Variants in GUCY1A2 observed in about 807,000 individuals in gnomAD.
The protein encoded by GUCY1A2 is guanylate cyclase 1 soluble subunit alpha 2.
A neutral mutation model predicts 63.5 loss-of-function variants in GUCY1A2; 27 were observed. That is an observed-to-expected ratio of 0.43 (90% CI 0.31 to 0.59). The LOEUF is 0.59. Among genes scored for constraint, GUCY1A2 ranks in the 20% least tolerant of loss-of-function variants. The probability of loss-of-function intolerance (pLI) is 0.11; values close to 1 mark genes in which losing one functional copy is unlikely to be tolerated. For missense variants in GUCY1A2, 768 were observed against 913.3 expected (o/e 0.84, Z 2.05); for synonymous variants, 364 against 343.5 (o/e 1.06, Z -0.66).
intron 4 of GUCY1A2, among the ~76,000 whole-genome samples, chr11:106,840,630 T>C (rs140307142): frequency 1.3e-5 from 2 of 152,082 alleles, no homozygotes; most frequent in African/African-American, 4.8e-5. Flanking sequence ...TAAAGAGGTG[T>C]AAAATTTATT....
chr11:106,922,369 G>A (rs1270312518), intron 4 of GUCY1A2, among the ~76,000 whole-genome samples: 2 of 151,508 alleles, frequency 1.3e-5, no homozygotes, highest in African/African-American at 4.8e-5. Context: ...CACTGTACTG[G>A]GTGCTAAAGA....
intron 5 of GUCY1A2, 71 bp from the exon 6 acceptor site, chr11:106,776,653 A>T: frequency 1.4e-6 from 2 of 1,400,482 alleles, no homozygotes; most frequent in Non-Finnish European, 2.0e-6. Flanking sequence ...AGTTATCTGC[A>T]ATCACAAATG....
At chr11:106,854,509 T>C (rs1410077801) in intron 4 of GUCY1A2, among the ~76,000 whole-genome samples, 1 of 152,060 alleles carries the variant, frequency 6.6e-6, no homozygotes, top group Non-Finnish European at 1.5e-5. Context: ...GTGAGAAGGA[T>C]GGGCTGATCC....
intron 6 of GUCY1A2, among the ~76,000 whole-genome samples, chr11:106,722,061 G>T (rs983354391): frequency 6.6e-6 from 1 of 152,172 alleles, no homozygotes. Context: ...GACTGAATAA[G>T]TGAATTAATA....
chr11:106,740,149 C>T (rs1863667245), intron 6 of GUCY1A2, among the ~76,000 whole-genome samples: 1 of 152,036 alleles, frequency 6.6e-6, no homozygotes, highest in Non-Finnish European at 1.5e-5. Context: ...CAGGCACCCA[C>T]CACCATGTCC....
intron 5 of GUCY1A2, 69 bp from the exon 6 acceptor site, chr11:106,776,651 G>A (rs1864362282): frequency 1.1e-5 from 15 of 1,408,780 alleles, no homozygotes; most frequent in Admixed American, 1.9e-5. Flanking sequence ...TTAGTTATCT[G>A]CAATCACAAA....
At chr11:106,907,528 T>A (rs951932872) in intron 4 of GUCY1A2, among the ~76,000 whole-genome samples, 1 of 152,092 alleles carries the variant, frequency 6.6e-6, no homozygotes, top group African/African-American at 2.4e-5. Flanking sequence ...TAGCATTAGG[T>A]ATATCTCCTA....
In GUCY1A2 at chr11:106,743,573, C is replaced by T. The variant is rs569329542; in HGVS notation, c.1836+32866G>A. Among the ~76,000 whole-genome samples, 32 of 152,306 alleles carry T rather than the reference C, an allele frequency of 2.1e-4. 1 individual carries two copies. The highest frequency in any genetic ancestry group is 1.0e-3 in the Admixed American group (16 of 15,296). On this transcript the variant is annotated intron_variant, in intron 6 of 7. Coordinates refer to ENST00000526355, the MANE Select transcript of GUCY1A2 (RefSeq NM_000855.3). ...CCCTCCATTGACTTTGTATTAATAACGAACTCGTGGTTTCCATGACTAGAG... is the reference window on the plus strand; with the variant it reads ...CCCTCCATTGACTTTGTATTAATAATGAACTCGTGGTTTCCATGACTAGAG...
intron 4 of GUCY1A2, among the ~76,000 whole-genome samples, chr11:106,893,363 A>G (rs958827448): frequency 6.6e-6 from 1 of 152,204 alleles, no homozygotes; most frequent in Admixed American, 6.6e-5. Context: ...TCATGGAAGG[A>G]AAGAGAAAAT....
intron 4 of GUCY1A2, among the ~76,000 whole-genome samples, chr11:106,907,685 T>C (rs1565327861): frequency 1.3e-5 from 2 of 152,140 alleles, no homozygotes; most frequent in Non-Finnish European, 2.9e-5. Context: ...GATAGTTTAC[T>C]GAGAATGATG....
At chr11:106,912,193 C>G (rs1243946154) in intron 4 of GUCY1A2, among the ~76,000 whole-genome samples, 1 of 151,962 alleles carries the variant, frequency 6.6e-6, no homozygotes, top group Non-Finnish European at 1.5e-5. Flanking sequence ...AATTTCATAT[C>G]AACTCCCATC....
chr11:106,938,574 G>C (rs995793860), intron 4 of GUCY1A2, among the ~76,000 whole-genome samples: 2 of 152,074 alleles, frequency 1.3e-5, no homozygotes, highest in Non-Finnish European at 2.9e-5. Context: ...CACTCTACTG[G>C]AAACTGAATG....
At chr11:106,762,196 T>C (rs188216104) in intron 6 of GUCY1A2, among the ~76,000 whole-genome samples, 9 of 152,246 alleles carry the variant, frequency 5.9e-5, no homozygotes, top group African/African-American at 2.2e-4. Context: ...TGGAGAATAC[T>C]ATAAGTTTAT....
intron 3 of GUCY1A2, among the ~76,000 whole-genome samples, chr11:106,966,856 A>T (rs1159074570): frequency 1.3e-5 from 2 of 152,196 alleles, no homozygotes; most frequent in Non-Finnish European, 2.9e-5. Flanking sequence ...AGAGAAGTAA[A>T]CACGTTTGGC....
intron 6 of GUCY1A2, among the ~76,000 whole-genome samples, chr11:106,739,670 A>G (rs1863655954): frequency 6.6e-6 from 1 of 152,158 alleles, no homozygotes; most frequent in African/African-American, 2.4e-5. Context: ...CTTATTATCT[A>G]TAAAACATGT....
rs949544065 is a variant in GUCY1A2 at position 106,817,218 on chromosome 11, A to C, written c.1207-6740T>G. Among the ~76,000 whole-genome samples the C allele has an allele frequency of 2.6e-5, 4 of 152,206 alleles. No individual in the cohort carries two copies. The South Asian group carries it at 8.3e-4, about 32-fold the overall frequency. ...GAAATGACAGTTATATCTGGCCCAA[A>C]TTAAACAATCACAATATGAATTTTC... is the stretch of plus-strand genomic sequence containing the variant. On this transcript the variant is annotated intron_variant, in intron 4 of 7. Transcript: ENST00000526355.
At position 106,674,097 on chromosome 11, in the gene GUCY1A2, C is replaced by A. The variant is rs1375392581; in HGVS notation, c.*13452G>T. ...ACTTTTAAGGTAAATAAATGCATGA[C>A]TTAACTAGACAATTTTGTAATGAAT... On this transcript the variant is annotated 3_prime_UTR_variant, in exon 8 of 8. Transcript: ENST00000526355. The A allele has an allele frequency of 1.1e-5, 2 of 178,156 alleles. No homozygotes were observed. The allele number at this position is 178,156 out of a possible 1,614,324, so 11.0% of individuals were successfully genotyped here. A position where few individuals can be genotyped will look rare whatever the true frequency, so the allele number is the denominator to read the frequency against.
In GUCY1A2 at chr11:106,986,328, C is replaced by T. The variant is rs566777761; in HGVS notation, c.304-197G>A. Among the ~76,000 whole-genome samples the T allele has an allele frequency of 3.3e-5, 5 of 152,284 alleles. No homozygotes were observed. In the South Asian group the frequency reaches 1.0e-3, roughly 32 times the overall value. On this transcript the variant is annotated intron_variant, in intron 1 of 7. Coordinates refer to ENST00000526355, the MANE Select transcript of GUCY1A2 (RefSeq NM_000855.3). ...TGAGGCACTCGGCAATTACCCAGAACTTCCCAATTTCAATTATGATAGTAT... is the reference window on the plus strand; with the variant it reads ...TGAGGCACTCGGCAATTACCCAGAATTTCCCAATTTCAATTATGATAGTAT...
chr11:106,913,124 G>GAT (rs34248768), intron 4 of GUCY1A2, among the ~76,000 whole-genome samples: 64 of 147,430 alleles, frequency 4.3e-4, no homozygotes, highest in South Asian at 1.3e-3. Context: ...TTTTTCAAAA[G>GAT]ATATATATAT....
Sources: gnomAD v4.1 joint callset for allele counts (sites outside exome capture counted in the v4.1 genomes callset) on GRCh38, gnomAD v4.1.1 for gene constraint, MANE v1.5 for transcripts, NCBI Gene and HGNC (gene_info 2026-07-23, HGNC 2026-07-21) for gene names.